Variants in NQO2 observed in about 807,000 individuals in gnomAD.
NQO2 encodes ribosyldihydronicotinamide dehydrogenase [quinone].
In NQO2, 18 loss-of-function variants were observed where a neutral mutation model predicts 22.0. The observed-to-expected ratio is 0.82, with a 90% CI of 0.56 to 1.21. NQO2 has a LOEUF of 1.21. NQO2 is among the 50% of genes most tolerant of loss of function. The probability of loss-of-function intolerance (pLI) is 0.00; values close to 1 mark genes in which losing one functional copy is unlikely to be tolerated. For missense variants in NQO2, 267 were observed against 286.9 expected (o/e 0.93, Z 0.50); for synonymous variants, 106 against 110.8 (o/e 0.96, Z 0.28).
At chr6:3,017,574 G>A (rs902346804) in intron 6 of NQO2, among the ~76,000 whole-genome samples, 1 of 152,230 alleles carries the variant, frequency 6.6e-6, no homozygotes, top group African/African-American at 2.4e-5. Context: ...TGGTGCCTGC[G>A]TGAGTGTCCC....
At chr6:3,018,652 T>C (rs1423260170) in intron 6 of NQO2, among the ~76,000 whole-genome samples, 1 of 152,142 alleles carries the variant, frequency 6.6e-6, no homozygotes, top group African/African-American at 2.4e-5. Context: ...TGCAGAGGAT[T>C]GAGTGTGACA....
intron 1 of NQO2, among the ~76,000 whole-genome samples, chr6:3,005,451 G>A (rs1267508312): frequency 5.9e-5 from 9 of 152,132 alleles, no homozygotes; most frequent in Admixed American, 5.9e-4. Flanking sequence ...CGTGTGATAT[G>A]GGATCTCATT....
chr6:3,004,080 C>A (rs1352654506), intron 1 of NQO2: 1 of 154,570 alleles, frequency 6.5e-6, no homozygotes, highest in African/African-American at 2.4e-5. Flanking sequence ...GAGCCAGCGA[C>A]AAAGCCAGAG....
intron 2 of NQO2, among the ~76,000 whole-genome samples, chr6:3,007,250 G>C (rs867911551): frequency 1.3e-5 from 2 of 152,130 alleles, no homozygotes; most frequent in African/African-American, 4.8e-5. Context: ...CACCGGCTGT[G>C]ACAAACCAAA....
intron 2 of NQO2, among the ~76,000 whole-genome samples, chr6:3,007,457 C>T (rs73718695): frequency 0.037 from 5,671 of 152,274 alleles, 117 homozygotes; most frequent in African/African-American, 0.055. Context: ...ACCTTTGTAG[C>T]CAGCTCAATG....
At chr6:3,018,500 A>C (rs78820491) in intron 6 of NQO2, among the ~76,000 whole-genome samples, 8,841 of 152,228 alleles carry the variant, frequency 0.058, 423 homozygotes, top group African/African-American at 0.13. Context: ...ATGAGAATCC[A>C]CCTCAAAAAC....
intron 1 of NQO2, among the ~76,000 whole-genome samples, chr6:3,001,093 T>C (rs946080940): frequency 7.3e-6 from 1 of 136,716 alleles, no homozygotes; most frequent in African/African-American, 2.7e-5. Context: ...TCTTTTTCTT[T>C]TTTTTTTTTT....
At position 3,018,235 on chromosome 6, in the gene NQO2, G is replaced by A. The variant is rs28383645; in HGVS notation, c.520-1244G>A. Among the ~76,000 whole-genome samples the A allele has an allele frequency of 8.1e-3, 1,235 of 152,308 alleles. 15 individuals are homozygous for A. Among genetic ancestry groups the A allele is most frequent in the African/African-American group, 0.022 (922 of 41,552 alleles). On this transcript the variant is annotated intron_variant, in intron 6 of 6. Transcript: ENST00000380455. The stretch of plus-strand genomic sequence containing the variant: ...AGTCATGTTGTCTGAAGCTGGGTGC[G>A]GTGGCTCACGCCTGTAATTCCAGCA...
In NQO2 at chr6:3,010,037, T is replaced by C. The variant is rs762263327; in HGVS notation, c.20T>C (p.Leu7Pro). The C allele has an allele frequency of 8.7e-6, 14 of 1,612,494 alleles. No homozygotes were observed. Among genetic ancestry groups the C allele is most frequent in the African/African-American group, 2.7e-5 (2 of 74,834 alleles). MAGKKV[L>P]IVYAHQEPKS... The stretch of plus-strand genomic sequence containing the variant: ...TATCCTGATTTAGGTAAGAAAGTAC[T>C]CATTGTCTATGCACACCAGGAACCC... The change falls in exon 3 of 7, where the codon CTC (leucine) becomes CCC (proline). Residue 7 changes from leucine (L) to proline (P), a missense_variant. Physicochemically the swap from Leu to Pro is moderately conservative, Grantham distance 98. Coordinates refer to ENST00000380455, the MANE Select transcript of NQO2 (RefSeq NM_000904.6).
intron 4 of NQO2, 39 bp from the exon 5 acceptor site, chr6:3,015,491 G>A (rs769990356): frequency 6.2e-7 from 1 of 1,605,862 alleles, no homozygotes; most frequent in Admixed American, 1.7e-5. Flanking sequence ...CCTGAGGCGA[G>A]CCGCAGCCTC....
chr6:3,008,679 C>T (rs1004402695), intron 2 of NQO2, among the ~76,000 whole-genome samples: 15 of 152,278 alleles, frequency 9.9e-5, no homozygotes, highest in East Asian at 7.7e-4. Context: ...CAATATTTCA[C>T]GTAGGTTCTT....
In NQO2 at chr6:3,005,351, G is replaced by A. The variant is rs191097685; in HGVS notation, c.-85-1117G>A. Among the ~76,000 whole-genome samples the A allele has an allele frequency of 4.5e-4, 69 of 152,258 alleles. No homozygotes were observed. The East Asian group carries it at 6.9e-3, about 15-fold the overall frequency. On this transcript the variant is annotated intron_variant, in intron 1 of 6. Coordinates refer to ENST00000380455, the MANE Select transcript of NQO2 (RefSeq NM_000904.6). ...CACCTCTCCAGCAGCGGCAGCACTC[G>A]ACCTTTCCCCAGCGGTGCACGGGGT...
At chr6:3,014,995 A>G in intron 4 of NQO2, 4 of 876,124 alleles carry the variant, frequency 4.6e-6, no homozygotes, top group Non-Finnish European at 6.5e-6. Context: ...GCCTATGTTT[A>G]TTTCCCTTCC....
rs199823744 is a variant in NQO2 at position 3,010,046 on chromosome 6, A to C, written c.29A>C (p.Tyr10Ser). The C allele has an allele frequency of 6.2e-7, 1 of 1,613,920 alleles. No homozygotes were observed. Among genetic ancestry groups the C allele is most frequent in the Non-Finnish European group, 8.5e-7 (1 of 1,179,936 alleles). MAGKKVLIV[Y>S]AHQEPKSFNG... ...TTAGGTAAGAAAGTACTCATTGTCT[A>C]TGCACACCAGGAACCCAAGTCTTTC... The change falls in exon 3 of 7, where the codon TAT becomes TCT. Residue 10 changes from tyrosine to serine, a missense_variant. By Grantham distance (144) the Tyr-to-Ser change is moderately radical (BLOSUM62 -2). Transcript: ENST00000380455.
chr6:3,011,820 G>A (rs1340016392), intron 3 of NQO2, among the ~76,000 whole-genome samples: 2 of 152,110 alleles, frequency 1.3e-5, no homozygotes, highest in East Asian at 3.8e-4. Context: ...CAAGAATACT[G>A]TACCCAGCAA....
Position 3,006,558 on chromosome 6 carries a change from A to T in NQO2, c.6A>T (p.Ala2=), listed in dbSNP as rs771514536. The change falls in exon 2 of 7, where the codon GCA becomes GCT. Residue 2 remains alanine, a splice_region_variant and synonymous_variant. Transcript: ENST00000380455. The surrounding 1 kb of genome is among the most constrained non-coding windows in gnomAD (Gnocchi z 4.0). ...GGAATCCACCTTCTTACGCTATGGC[A>T]GGTAATGATTCACTATTGTGGAGTA... M[A]GKKVLIVYAH... 9.3e-6 allele frequency: 15 copies of T among 1,607,572 alleles called. No individual in the cohort carries two copies. The highest frequency in any genetic ancestry group is 9.0e-5 in the East Asian group (4 of 44,644).
chr6:3,019,283 G>T lies in NQO2; in HGVS notation c.520-196G>T, dbSNP rs540424273. The T allele has an allele frequency of 4.1e-5, 37 of 895,586 alleles. No homozygotes were observed. In the South Asian group the frequency reaches 1.6e-3, roughly 40 times the overall value. 55.5% of individuals were successfully genotyped at this position (895,586 alleles called of 1,614,324 possible). On this transcript the variant is annotated intron_variant, in intron 6 of 6. Transcript: ENST00000380455. ...AGCTTGGAAATTGCAACTGCCCCAA[G>T]TTCTTCACGGCTCTTATGCAAGGCT...
At position 3,014,779 on chromosome 6, in the gene NQO2, C is replaced by T. The variant is rs150549244; in HGVS notation, c.304-751C>T. ...TGTTTTGGGCACTGTGGTGTGTCTTCGAATCCTCACCAGGATGCTGTGAGC... is the reference window on the plus strand; with the variant it reads ...TGTTTTGGGCACTGTGGTGTGTCTTTGAATCCTCACCAGGATGCTGTGAGC... On this transcript the variant is annotated intron_variant, in intron 4 of 6. Transcript: ENST00000380455. 1.2e-3 allele frequency among the ~76,000 whole-genome samples: 189 copies of T among 152,286 alleles called. 3 individuals are homozygous for T. The highest frequency in any genetic ancestry group is 4.4e-3 in the African/African-American group (181 of 41,554).
Position 3,006,383 on chromosome 6 carries a change from G to A in NQO2, c.-85-85G>A. On this transcript the variant is annotated intron_variant, in intron 1 of 6. Transcript: ENST00000380455. This position sits in a 1 kb window ranked among gnomAD's most constrained non-coding sequence, Gnocchi z 4.0. Reference sequence around the variant, plus strand: ...CTCTGATGTGTTTGCGTGTCTGTCAGGAAGCAGCAGTGATGCCTAGATGTG... The same window carrying A: ...CTCTGATGTGTTTGCGTGTCTGTCAAGAAGCAGCAGTGATGCCTAGATGTG... 1 of 1,428,612 alleles carries A rather than the reference G, an allele frequency of 7.0e-7. No homozygotes were observed. The highest frequency in any genetic ancestry group is 9.2e-7 in the Non-Finnish European group (1 of 1,091,060). The allele number at this position is 1,428,612 out of a possible 1,614,324, so 88.5% of individuals were successfully genotyped here. A position where few individuals can be genotyped will look rare whatever the true frequency, so the allele number is the denominator to read the frequency against.
Sources: allele counts gnomAD v4.1 joint callset (sites outside exome capture counted in the v4.1 genomes callset), GRCh38; gene constraint gnomAD v4.1.1; non-coding constraint Gnocchi (gnomAD v3.1); transcripts MANE v1.5; gene names NCBI Gene and HGNC (gene_info 2026-07-23, HGNC 2026-07-21).